CNTNAP4: variants seen among roughly 807,000 people sequenced by gnomAD.
The protein encoded by CNTNAP4 is contactin associated protein family member 4, also known as contactin-associated protein-like 4.
A neutral mutation model predicts 148.4 loss-of-function variants in CNTNAP4; 98 were observed. The observed-to-expected ratio is 0.66, with a 90% confidence interval of 0.56 to 0.78. The LOEUF is 0.78. Among genes scored for constraint, CNTNAP4 ranks in the 30% least tolerant of loss-of-function variants. The pLI is 0.00. For missense variants in CNTNAP4, 1,935 were observed against 1,565.6 expected, an observed-to-expected ratio of 1.24 and a Z score of -3.98; for synonymous variants, 730 against 565.1, an observed-to-expected ratio of 1.29 and a Z score of -4.14.
At chr16:76,322,844 G>GT (rs35671026) in intron 2 of CNTNAP4, among the ~76,000 whole-genome samples, 39,268 of 147,726 alleles carry the variant, frequency 0.27, 5,955 homozygotes, top group Non-Finnish European at 0.35. Context: ...TTTATTTTTT[G>GT]TTTTTTTTTT....
intron 3 of CNTNAP4, among the ~76,000 whole-genome samples, chr16:76,373,029 G>T (rs2015017524): frequency 6.6e-6 from 1 of 152,160 alleles, no homozygotes; most frequent in Non-Finnish European, 1.5e-5. Flanking sequence ...AATCTGATGT[G>T]TCTGCTGGTT....
intron 21 of CNTNAP4, among the ~76,000 whole-genome samples, chr16:76,551,051 C>T (rs937145174): frequency 6.6e-6 from 1 of 152,100 alleles, no homozygotes; most frequent in Non-Finnish European, 1.5e-5. Flanking sequence ...AACATTGTAT[C>T]AGGATTTTTA....
Position 76,521,261 on chromosome 16 carries a change from AT to A in CNTNAP4, c.2492del (p.Leu831Ter). Reference sequence around the variant, plus strand: ...TTAAGACAACAGCTTCATCTGGGGTATTTTTAGAGAACTTGGGGATTGCTGA... The same window carrying A: ...TTAAGACAACAGCTTCATCTGGGGTATTTTAGAGAACTTGGGGATTGCTGA... ...FFKTTASSGVFLENLGIADFI... is the reference protein window; with the variant it reads ...FFKTTASSGVXLENLGIADFI... On this transcript the variant is annotated frameshift_variant, in exon 16 of 24. Transcript: ENST00000611870. LOFTEE classifies it high-confidence loss of function. 6.2e-7 allele frequency: 1 copy of A among 1,612,702 alleles called. No homozygotes were observed. Among genetic ancestry groups the A allele is most frequent in the South Asian group, 1.1e-5 (1 of 90,868 alleles).
intron 12 of CNTNAP4, among the ~76,000 whole-genome samples, chr16:76,483,684 G>A (rs1169823516): frequency 6.6e-6 from 1 of 152,184 alleles, no homozygotes; most frequent in African/African-American, 2.4e-5. Flanking sequence ...GCAAAAAAAT[G>A]TGGCACTTAA....
chr16:76,320,101 A>T (rs1045394633), intron 2 of CNTNAP4, among the ~76,000 whole-genome samples: 2 of 152,192 alleles, frequency 1.3e-5, no homozygotes, highest in East Asian at 1.9e-4. Context: ...TGGTGTAAAT[A>T]CAAAGGTTTA....
At chr16:76,341,708 G>A (rs1456043904) in intron 2 of CNTNAP4, among the ~76,000 whole-genome samples, 1 of 152,036 alleles carries the variant, frequency 6.6e-6, no homozygotes, top group Admixed American at 6.6e-5. Context: ...AAAGATCAGA[G>A]CTAGAAAAAT....
intron 9 of CNTNAP4, among the ~76,000 whole-genome samples, chr16:76,464,784 A>G (rs1377715050): frequency 1.3e-5 from 2 of 152,034 alleles, no homozygotes; most frequent in African/African-American, 4.8e-5. Flanking sequence ...TCTCTTATCC[A>G]TCCATCACTT....
At chr16:76,461,168 G>C (rs2080945971) in intron 8 of CNTNAP4, among the ~76,000 whole-genome samples, 1 of 152,024 alleles carries the variant, frequency 6.6e-6, no homozygotes, top group Admixed American at 6.6e-5. Context: ...CATTATGTTT[G>C]GGGGCCACTT....
chr16:76,496,085 TTGTGTGTG>T (rs5817999), intron 14 of CNTNAP4, among the ~76,000 whole-genome samples: 14 of 140,036 alleles, frequency 1.0e-4, no homozygotes, highest in Non-Finnish European at 1.4e-4. Flanking sequence ...CAAGATTATG[TTGTGTGTG>T]TGTGTGTGTG....
chr16:76,396,555 G>C (rs1029657791), intron 3 of CNTNAP4, among the ~76,000 whole-genome samples: 1 of 152,218 alleles, frequency 6.6e-6, no homozygotes, highest in African/African-American at 2.4e-5. Flanking sequence ...CATGATTACA[G>C]AGTGGTTTTG....
At chr16:76,357,079 A>C (rs1597305074) in intron 3 of CNTNAP4, among the ~76,000 whole-genome samples, 1 of 151,806 alleles carries the variant, frequency 6.6e-6, no homozygotes, top group African/African-American at 2.4e-5. Flanking sequence ...ACACACACAC[A>C]CACCCCAAAC....
rs144251910 is a variant in CNTNAP4 at position 76,330,948 on chromosome 16, T to C, written c.196+14425T>C. Among the ~76,000 whole-genome samples, 196 of 152,368 alleles carry C rather than the reference T, an allele frequency of 1.3e-3. 7 individuals carry two copies. The East Asian group carries it at 0.031, about 24-fold the overall frequency. On this transcript the variant is annotated intron_variant, in intron 2 of 23. Transcript: ENST00000611870. ...ATCTAAATAGTGCTGGATAGATCTG[T>C]AAAAATTGGACTTTATTTGATGAGT...
intron 3 of CNTNAP4, among the ~76,000 whole-genome samples, chr16:76,424,354 G>A (rs1038832685): frequency 6.6e-6 from 1 of 152,170 alleles, no homozygotes; most frequent in Non-Finnish European, 1.5e-5. Flanking sequence ...ATTAGGGATT[G>A]TGTTAGTCTG....
At chr16:76,308,944 C>T (rs897362241) in intron 1 of CNTNAP4, among the ~76,000 whole-genome samples, 1 of 151,660 alleles carries the variant, frequency 6.6e-6, no homozygotes. Context: ...CCTGCCTCAG[C>T]CGTCTGAGTA....
intron 3 of CNTNAP4, among the ~76,000 whole-genome samples, chr16:76,408,457 A>G (rs866090385): frequency 4.7e-5 from 7 of 150,394 alleles, no homozygotes; most frequent in African/African-American, 7.5e-5. Context: ...TAAACAGAGT[A>G]GCAAAACCAA....
Position 76,346,856 on chromosome 16 carries a change from G to T in CNTNAP4, c.197-8462G>T, listed in dbSNP as rs966725195. On this transcript the variant is annotated intron_variant, in intron 2 of 23. Coordinates refer to ENST00000611870, the MANE Select transcript of CNTNAP4 (RefSeq NM_033401.5). ...AGCTTGTAAATATTTACTTTTCAAAGCACTGCATTATTAAAGATTTCAGAA... is the reference window on the plus strand; with the variant it reads ...AGCTTGTAAATATTTACTTTTCAAATCACTGCATTATTAAAGATTTCAGAA... 3.9e-5 allele frequency among the ~76,000 whole-genome samples: 6 copies of T among 152,160 alleles called. No homozygotes were observed. In the East Asian group the frequency reaches 1.2e-3, roughly 29 times the overall value.
At chr16:76,296,034 C>G (rs145145589) in intron 1 of CNTNAP4, among the ~76,000 whole-genome samples, 1 of 152,118 alleles carries the variant, frequency 6.6e-6, no homozygotes, top group African/African-American at 2.4e-5. Context: ...AACTCTCTTC[C>G]TAAACTTCTC....
chr16:76,503,652 A>G (rs1304558912), intron 15 of CNTNAP4, among the ~76,000 whole-genome samples: 1 of 152,010 alleles, frequency 6.6e-6, no homozygotes, highest in Non-Finnish European at 1.5e-5. Flanking sequence ...TACATTAGGT[A>G]TATCTCCTAA....
chr16:76,431,931 G>C (rs1448308049), intron 4 of CNTNAP4, among the ~76,000 whole-genome samples: 2 of 152,096 alleles, frequency 1.3e-5, no homozygotes, highest in African/African-American at 4.8e-5. Flanking sequence ...GACACATTGA[G>C]TTCAAGGGCC....
Sources: gnomAD v4.1 joint callset for allele counts (sites outside exome capture counted in the v4.1 genomes callset) on GRCh38, gnomAD v4.1.1 for gene constraint, MANE v1.5 for transcripts, NCBI Gene and HGNC (gene_info 2026-07-23, HGNC 2026-07-21) for gene names.